THOC5: variants seen among roughly 807,000 people sequenced by gnomAD.
The protein encoded by THOC5 is THO complex subunit 5, also known as Fms-interacting protein.
A neutral mutation model predicts 92.9 loss-of-function variants in THOC5; 43 were observed. That is an observed-to-expected ratio of 0.46 (90% confidence interval 0.36 to 0.60). The LOEUF (loss-of-function observed/expected upper bound fraction) is 0.60. Ranked by LOEUF, THOC5 falls within the 20% of genes least tolerant of loss-of-function variation. The pLI, the probability that THOC5 is intolerant of heterozygous loss-of-function variation, is 0.00. For synonymous variants in THOC5, 296 were observed against 320.1 expected, an observed-to-expected ratio of 0.92 and a Z score of 0.80; for missense variants, 659 against 849.4, an observed-to-expected ratio of 0.78 and a Z score of 2.79.
chr22:29,550,377 G>C (rs1266214516), intron 1 of THOC5, among the ~76,000 whole-genome samples: 1 of 151,610 alleles, frequency 6.6e-6, no homozygotes, highest in Middle Eastern at 3.4e-3. Flanking sequence ...TTGACTCCCA[G>C]GTTGATCCTA....
intron 6 of THOC5, among the ~76,000 whole-genome samples, chr22:29,538,754 G>A (rs1000651855): frequency 7.4e-6 from 1 of 134,254 alleles, no homozygotes; most frequent in South Asian, 2.5e-4. Context: ...TCGTGATAGT[G>A]CCACAGCACT....
chr22:29,537,587 A>T (rs2063784797), intron 6 of THOC5, among the ~76,000 whole-genome samples: 1 of 151,850 alleles, frequency 6.6e-6, no homozygotes, highest in East Asian at 1.9e-4. Flanking sequence ...GAAACCCCCA[A>T]CTCTATTAAA....
chr22:29,532,529 G>T (rs574725158), intron 7 of THOC5, among the ~76,000 whole-genome samples: 34 of 151,428 alleles, frequency 2.2e-4, no homozygotes, highest in Non-Finnish European at 4.1e-4. Context: ...GCTGGGCGTG[G>T]TGGCATATGC....
chr22:29,552,005 T>C (rs1474874007), intron 1 of THOC5, among the ~76,000 whole-genome samples: 1 of 152,162 alleles, frequency 6.6e-6, no homozygotes, highest in African/African-American at 2.4e-5. Context: ...CAGGCTGGTC[T>C]CCAGCTCCTG....
rs991854809 is a variant in THOC5 at position 29,508,472 on chromosome 22, G to C, written c.2037C>G (p.Phe679Leu). 6.2e-7 allele frequency: 1 copy of C among 1,614,210 alleles called. No homozygotes were observed. Among genetic ancestry groups the C allele is most frequent in the Non-Finnish European group, 8.5e-7 (1 of 1,180,016 alleles). Residue 679 changes from phenylalanine to leucine, a missense_variant, in exon 20 of 20, where the codon TTC becomes TTG. Phe to Leu is a conservative substitution (Grantham distance 22). Coordinates refer to ENST00000490103, the MANE Select transcript of THOC5 (RefSeq NM_003678.5). ...GCGCGGGAGATCAGCGATGGCTGAA[G>C]AATCCCTGAGGATGGTTGTATTTAA... Reference protein sequence around the residue: ...KPFKYNHPQGFFSHR With the variant: ...KPFKYNHPQGLFSHR
intron 13 of THOC5, among the ~76,000 whole-genome samples, chr22:29,520,677 G>A (rs906020731): frequency 3.3e-5 from 5 of 152,032 alleles, no homozygotes; most frequent in African/African-American, 9.7e-5. Context: ...TGTATTTCTT[G>A]TAGAGACAGG....
At position 29,511,116 on chromosome 22, in the gene THOC5, G is replaced by A. The variant is rs1448896186; in HGVS notation, c.1978C>T (p.Arg660Trp). The change falls in exon 19 of 20, where the codon CGG (arginine) becomes TGG (tryptophan). Residue 660 changes from arginine to tryptophan, a missense_variant. Transcript: ENST00000490103. ...KEFPQEKMCLRLFRGPSRMKP... is the reference protein window; with the variant it reads ...KEFPQEKMCLWLFRGPSRMKP... ...CAACCCTCTCCTCACCTGAAGAGCCGCAGACACATCTTCTCCTGGGGAAAT... is the reference window on the plus strand; with the variant it reads ...CAACCCTCTCCTCACCTGAAGAGCCACAGACACATCTTCTCCTGGGGAAAT... 1.4e-5 allele frequency: 22 copies of A among 1,613,924 alleles called. No individual in the cohort carries two copies. The highest frequency in any genetic ancestry group is 2.2e-5 in the East Asian group (1 of 44,868).
Position 29,539,299 on chromosome 22 carries a change from G to A in THOC5, c.599+31C>T, listed in dbSNP as rs1401757533. Reference sequence around the variant, plus strand: ...TCATGACAAAGCACTGACACTTTGTGGTTAAAAGGTCAGGAAGGAGGAAAT... The same window carrying A: ...TCATGACAAAGCACTGACACTTTGTAGTTAAAAGGTCAGGAAGGAGGAAAT... On this transcript the variant is annotated intron_variant, in intron 6 of 19. Coordinates refer to ENST00000490103, the MANE Select transcript of THOC5 (RefSeq NM_003678.5). 3.1e-6 allele frequency: 5 copies of A among 1,606,250 alleles called. No individual in the cohort carries two copies. In the South Asian group the frequency reaches 5.5e-5, roughly 18 times the overall value.
At chr22:29,522,980 G>A (rs1222744635) in intron 12 of THOC5, among the ~76,000 whole-genome samples, 3 of 151,998 alleles carry the variant, frequency 2.0e-5, no homozygotes, top group Non-Finnish European at 4.4e-5. Context: ...CAGCCTGGGC[G>A]ACAGAGCGAG....
chr22:29,536,619 C>A lies in THOC5; in HGVS notation c.714+5G>T. On this transcript the variant is annotated splice_donor_5th_base_variant and intron_variant, in intron 7 of 19. Coordinates refer to ENST00000490103, the MANE Select transcript of THOC5 (RefSeq NM_003678.5). ...AAGGCAAAGCAAAAGGCCAGAGGGC[C>A]CCACCTGCATGATGCTGTTGAGGCG... The A allele has an allele frequency of 1.3e-6, 2 of 1,582,370 alleles. No homozygotes were observed. The highest frequency in any genetic ancestry group is 2.2e-5 in the South Asian group (2 of 90,448).
At chr22:29,525,701 T>TC in intron 12 of THOC5, 137 bp downstream of exon 12, 1 of 582,398 alleles carries the variant, frequency 1.7e-6, no homozygotes, top group Non-Finnish European at 3.1e-6. Context: ...GGACTTCTGG[T>TC]CCATCTGGAT....
chr22:29,550,281 G>A (rs1040869424), intron 1 of THOC5, among the ~76,000 whole-genome samples: 11 of 151,944 alleles, frequency 7.2e-5, no homozygotes, highest in African/African-American at 1.9e-4. Flanking sequence ...GCCAAAATCC[G>A]GATCTATCCA....
At chr22:29,532,035 G>A in intron 7 of THOC5, 72 bp from the exon 8 acceptor site, 1 of 1,554,516 alleles carries the variant, frequency 6.4e-7, no homozygotes, top group Non-Finnish European at 8.8e-7. Flanking sequence ...GCTACTTAGT[G>A]ACCGTAAATC....
chr22:29,524,454 G>A (rs1204796512), intron 12 of THOC5, among the ~76,000 whole-genome samples: 1 of 152,166 alleles, frequency 6.6e-6, no homozygotes, highest in Non-Finnish European at 1.5e-5. Flanking sequence ...GCTTAGTGAA[G>A]AGCTGGAGTT....
chr22:29,541,860 CCAAAAAAAAAAAAAAAAAAAA>C (rs2063894811), intron 5 of THOC5, among the ~76,000 whole-genome samples: 1 of 20,986 alleles, frequency 4.8e-5, no homozygotes, highest in African/African-American at 1.2e-4. Flanking sequence ...GACTCCATCT[CCAAAAAAAAAAAAAAAAAAAA>C]AAAAAAAAAA....
intron 18 of THOC5, among the ~76,000 whole-genome samples, 194 bp downstream of exon 18, chr22:29,511,827 A>G (rs1316302911): frequency 6.6e-6 from 1 of 151,356 alleles, no homozygotes; most frequent in Non-Finnish European, 1.5e-5. Flanking sequence ...TGTGGACCCC[A>G]AGGTAGGCAA....
chr22:29,551,400 A>T (rs1449040701), intron 1 of THOC5, among the ~76,000 whole-genome samples: 1 of 151,940 alleles, frequency 6.6e-6, no homozygotes, highest in East Asian at 1.9e-4. Flanking sequence ...CAGCCACTTC[A>T]CTCCAGCCTG....
At chr22:29,530,757 C>T (rs2063637732) in intron 8 of THOC5, among the ~76,000 whole-genome samples, 1 of 152,152 alleles carries the variant, frequency 6.6e-6, no homozygotes, top group South Asian at 2.1e-4. Flanking sequence ...GAGACCCCCT[C>T]TGAGGGTCTA....
At chr22:29,539,296 T>G in intron 6 of THOC5, 34 bp downstream of exon 6, 2 of 1,605,254 alleles carry the variant, frequency 1.2e-6, no homozygotes, top group Non-Finnish European at 1.7e-6. Flanking sequence ...ACTGACACTT[T>G]GTGGTTAAAA....
Sources: allele counts gnomAD v4.1 joint callset (sites outside exome capture counted in the v4.1 genomes callset), GRCh38; gene constraint gnomAD v4.1.1; transcripts MANE v1.5; gene names NCBI Gene and HGNC (gene_info 2026-07-23, HGNC 2026-07-21).